MEGF11: variants seen among roughly 807,000 people sequenced by gnomAD.
The protein encoded by MEGF11 is multiple EGF like domains 11.
In MEGF11, 126 loss-of-function variants were observed where a neutral mutation model predicts 146.6. The ratio of observed to expected loss-of-function variants is 0.86; its 90% CI spans 0.74 to 1.00. The LOEUF (loss-of-function observed/expected upper bound fraction) is 1.00. MEGF11 is among the 50% of genes least tolerant of loss of function. The pLI, the probability that MEGF11 is intolerant of heterozygous loss-of-function variation, is 0.00. For synonymous variants in MEGF11, 532 were observed against 583.4 expected (o/e 0.91, Z 1.27); for missense variants, 1,509 against 1,521.2 (o/e 0.99, Z 0.13).
intron 5 of MEGF11, among the ~76,000 whole-genome samples, chr15:66,028,497 G>A (rs779716566): frequency 7.9e-5 from 12 of 152,108 alleles, no homozygotes; most frequent in Non-Finnish European, 1.5e-4. Flanking sequence ...TATATATCAA[G>A]GGTCATAAAA....
chr15:66,060,483 T>G (rs1200971588), intron 5 of MEGF11, among the ~76,000 whole-genome samples: 1 of 152,230 alleles, frequency 6.6e-6, no homozygotes, highest in East Asian at 1.9e-4. Flanking sequence ...TCCACGCCTT[T>G]GCGCAGAAGC....
chr15:66,234,443 C>A (rs566481487), intron 1 of MEGF11, among the ~76,000 whole-genome samples: 46 of 152,286 alleles, frequency 3.0e-4, no homozygotes, highest in Admixed American at 2.4e-3. Flanking sequence ...CATTTGAGTC[C>A]AAGCCCACAG....
chr15:65,918,408 T>C (rs923734768), intron 15 of MEGF11, among the ~76,000 whole-genome samples: 2 of 152,252 alleles, frequency 1.3e-5, no homozygotes, highest in Non-Finnish European at 2.9e-5. Context: ...GGCTGAGCAC[T>C]GTACTTCTGG....
intron 1 of MEGF11, among the ~76,000 whole-genome samples, chr15:66,136,402 C>T (rs142824218): frequency 5.3e-5 from 8 of 152,158 alleles, no homozygotes; most frequent in African/African-American, 1.9e-4. Context: ...TCAGGGACCA[C>T]GTCTCCCCAG....
intron 15 of MEGF11, among the ~76,000 whole-genome samples, chr15:65,919,659 C>A (rs747984830): frequency 6.6e-6 from 1 of 152,206 alleles, no homozygotes; most frequent in African/African-American, 2.4e-5. Flanking sequence ...GAGACAGAGT[C>A]TCGCTACGTT....
rs766500791 is a variant in MEGF11 at position 65,975,490 on chromosome 15, C to T, written c.763-4801G>A. On this transcript the variant is annotated intron_variant, in intron 7 of 25. Coordinates refer to ENST00000395614, the MANE Select transcript of MEGF11 (RefSeq NM_001385028.1). The stretch of plus-strand genomic sequence containing the variant: ...TTCCCAAACTGCAGGCATCCAAGCC[C>T]GCCGAATCTCTAGTCCTCTTCCCTG... Among the ~76,000 whole-genome samples the T allele has an allele frequency of 5.9e-5, 9 of 152,166 alleles. No homozygotes were observed. The East Asian group carries it at 9.6e-4, about 16-fold the overall frequency.
intron 1 of MEGF11, among the ~76,000 whole-genome samples, chr15:66,213,542 T>G (rs1240272955): frequency 1.3e-5 from 2 of 152,060 alleles, no homozygotes; most frequent in Non-Finnish European, 2.9e-5. Flanking sequence ...TTTGTGCTGA[T>G]TAGTGTTTGC....
intron 4 of MEGF11, among the ~76,000 whole-genome samples, chr15:66,098,660 G>T (rs1254336171): frequency 2.0e-5 from 3 of 152,166 alleles, no homozygotes; most frequent in African/African-American, 4.8e-5. Context: ...ACATTGATCA[G>T]TCTGCCATTA....
chr15:66,129,067 C>T (rs116772380), intron 1 of MEGF11, among the ~76,000 whole-genome samples: 2 of 152,286 alleles, frequency 1.3e-5, no homozygotes, highest in African/African-American at 4.8e-5. Context: ...GGTAAGGGAC[C>T]GTAAGGAATC....
intron 5 of MEGF11, among the ~76,000 whole-genome samples, chr15:66,059,664 T>C (rs2084822596): frequency 6.7e-6 from 1 of 149,112 alleles, no homozygotes; most frequent in South Asian, 2.2e-4. Flanking sequence ...CTGTGCTGGC[T>C]GAGGAGTGGA....
chr15:66,118,485 A>G (rs1306412270), intron 4 of MEGF11, among the ~76,000 whole-genome samples: 1 of 152,164 alleles, frequency 6.6e-6, no homozygotes, highest in Non-Finnish European at 1.5e-5. Context: ...AAATAGGAAA[A>G]GAGGCAATGT....
intron 1 of MEGF11, among the ~76,000 whole-genome samples, chr15:66,135,538 C>A (rs2088851003): frequency 6.6e-6 from 1 of 152,152 alleles, no homozygotes; most frequent in African/African-American, 2.4e-5. Context: ...GAGGCCCCTC[C>A]CTGCAGGAAG....
chr15:65,904,956 G>A (rs1466026587), intron 24 of MEGF11, among the ~76,000 whole-genome samples: 2 of 152,172 alleles, frequency 1.3e-5, no homozygotes, highest in Non-Finnish European at 2.9e-5. Flanking sequence ...GCAGTGGCAC[G>A]ATCTGGGTTC....
chr15:65,947,394 G>T (rs2080237684), intron 10 of MEGF11, among the ~76,000 whole-genome samples: 1 of 152,120 alleles, frequency 6.6e-6, no homozygotes, highest in Non-Finnish European at 1.5e-5. Context: ...CACAATGAGG[G>T]TGCAAACGCT....
At chr15:66,236,303 A>G (rs2140221118) in intron 1 of MEGF11, among the ~76,000 whole-genome samples, 1 of 152,264 alleles carries the variant, frequency 6.6e-6, no homozygotes, top group African/African-American at 2.4e-5. Context: ...ACTCTGTGCT[A>G]ATGAGTTTTG....
intron 5 of MEGF11, among the ~76,000 whole-genome samples, chr15:66,075,599 GC>G: frequency 6.6e-6 from 1 of 152,264 alleles, no homozygotes. Flanking sequence ...TTAAAGATGG[GC>G]CAAGAAAAAG....
At chr15:66,224,941 A>G (rs1448295135) in intron 1 of MEGF11, among the ~76,000 whole-genome samples, 2 of 151,784 alleles carry the variant, frequency 1.3e-5, no homozygotes, top group African/African-American at 2.4e-5. Flanking sequence ...TCTTTCCCCA[A>G]CCTTCTCTCC....
chr15:66,107,672 G>A (rs2087160248), intron 4 of MEGF11, among the ~76,000 whole-genome samples: 1 of 152,220 alleles, frequency 6.6e-6, no homozygotes, highest in Non-Finnish European at 1.5e-5. Context: ...GGATAAAAGA[G>A]GAGAGGAGCA....
chr15:66,171,271 A>G (rs2090247342), intron 1 of MEGF11, among the ~76,000 whole-genome samples: 1 of 152,178 alleles, frequency 6.6e-6, no homozygotes, highest in African/African-American at 2.4e-5. Context: ...TATCTGCTCA[A>G]CCACGGGGGC....
Sources: allele counts gnomAD v4.1 joint callset (sites outside exome capture counted in the v4.1 genomes callset), GRCh38; gene constraint gnomAD v4.1.1; transcripts MANE v1.5; gene names NCBI Gene and HGNC (gene_info 2026-07-23, HGNC 2026-07-21).